The following PALS1 variants were observed in gnomAD, a reference collection of about 807,000 sequenced individuals.
PALS1 encodes protein PALS1.
In PALS1, 31 loss-of-function variants were observed where a neutral mutation model predicts 78.9. The ratio of observed to expected loss-of-function variants is 0.39; its 90% CI spans 0.30 to 0.53. The LOEUF (loss-of-function observed/expected upper bound fraction) is 0.53, where lower values mean the gene tolerates loss of function less well. PALS1 is among the 20% of genes least tolerant of loss of function. PALS1 has a pLI of 0.67. For missense variants in PALS1, 704 were observed against 826.5 expected, an observed-to-expected ratio of 0.85 and a Z score of 1.82; for synonymous variants, 276 against 270.9, an observed-to-expected ratio of 1.02 and a Z score of -0.18.
At chr14:67,264,445 G>A (rs761777408) in intron 1 of PALS1, among the ~76,000 whole-genome samples, 2 of 148,312 alleles carry the variant, frequency 1.3e-5, no homozygotes, top group Non-Finnish European at 2.9e-5. Flanking sequence ...AAAATCATTG[G>A]CCAGACCCAT....
intron 8 of PALS1, among the ~76,000 whole-genome samples, chr14:67,306,668 C>G (rs2085009567): frequency 2.6e-5 from 4 of 152,096 alleles, no homozygotes; most frequent in African/African-American, 9.7e-5. Flanking sequence ...ATGCCCAGCC[C>G]CTTCTTTTCT....
At position 67,286,767 on chromosome 14, in the gene PALS1, G is replaced by A. The variant is rs190849959; in HGVS notation, c.368-5744G>A. ...TAGCTACTTGGGAGGCTAGGTGGGA[G>A]GATCGCTGGAACCTGAGAAGTTGAG... On this transcript the variant is annotated intron_variant, in intron 3 of 14. Transcript: ENST00000261681. Among the ~76,000 whole-genome samples, 53 of 150,806 alleles carry A rather than the reference G, an allele frequency of 3.5e-4. No homozygotes were observed. In the Middle Eastern group the frequency reaches 0.014, roughly 39 times the overall value.
At chr14:67,296,110 G>C (rs956480264) in intron 4 of PALS1, among the ~76,000 whole-genome samples, 12 of 152,004 alleles carry the variant, frequency 7.9e-5, no homozygotes, top group African/African-American at 2.9e-4. Context: ...GGAAGGATGA[G>C]GGGAATGGTG....
At chr14:67,329,835 AAAATAAAT>A (rs199845948) in intron 14 of PALS1, among the ~76,000 whole-genome samples, 1,078 of 96,932 alleles carry the variant, frequency 0.011, 8 homozygotes, top group East Asian at 0.042. Context: ...CTTGGTCTCA[AAAATAAAT>A]AAATAAATAA....
chr14:67,266,759 TTTATG>T (rs1179611391), intron 1 of PALS1, among the ~76,000 whole-genome samples: 24 of 152,294 alleles, frequency 1.6e-4, no homozygotes, highest in African/African-American at 5.3e-4. Context: ...AATAGAGTCT[TTTATG>T]TGATGTCAGT....
intron 4 of PALS1, among the ~76,000 whole-genome samples, chr14:67,298,932 G>A (rs1356740345): frequency 6.6e-6 from 1 of 152,122 alleles, no homozygotes; most frequent in Non-Finnish European, 1.5e-5. Flanking sequence ...GACAATAGGT[G>A]GTCTTTTCTG....
At chr14:67,253,138 A>C (rs2084091327) in intron 1 of PALS1, among the ~76,000 whole-genome samples, 1 of 152,254 alleles carries the variant, frequency 6.6e-6, no homozygotes, top group Non-Finnish European at 1.5e-5. Context: ...GTGACAATGA[A>C]CAGGTTAACT....
intron 8 of PALS1, 57 bp from the exon 9 acceptor site, chr14:67,312,470 C>A: frequency 8.1e-7 from 1 of 1,236,942 alleles, no homozygotes; most frequent in South Asian, 2.2e-5. Flanking sequence ...AAATTGTATT[C>A]ATATGAAACA....
intron 8 of PALS1, among the ~76,000 whole-genome samples, chr14:67,305,461 T>C (rs1343208168): frequency 6.6e-6 from 1 of 152,116 alleles, no homozygotes; most frequent in African/African-American, 2.4e-5. Flanking sequence ...TTTGTACTTT[T>C]GGTAGAGATG....
In PALS1 at chr14:67,256,797, G is replaced by GACACAC. The variant is rs10654145; in HGVS notation, c.-236-12882_-236-12877dup. 4.4e-3 allele frequency among the ~76,000 whole-genome samples: 652 copies of GACACAC among 147,782 alleles called. 4 individuals are homozygous for GACACAC. The highest frequency in any genetic ancestry group is 0.013 in the African/African-American group (544 of 40,502). ...AGGACGAAGTGTTCCAGAAACTATT[G>GACACAC]ACACACACACACACACACACACACA... On this transcript the variant is annotated intron_variant, in intron 1 of 14. Transcript: ENST00000261681.
chr14:67,254,033 C>A (rs558538898), intron 1 of PALS1, among the ~76,000 whole-genome samples: 8 of 142,986 alleles, frequency 5.6e-5, no homozygotes, highest in South Asian at 4.7e-4. Flanking sequence ...CATCCCCCCC[C>A]CCTTACAAGT....
chr14:67,263,111 A>C (rs2140517206), intron 1 of PALS1, among the ~76,000 whole-genome samples: 1 of 152,280 alleles, frequency 6.6e-6, no homozygotes, highest in South Asian at 2.1e-4. Flanking sequence ...GTGGTCTTGA[A>C]TATTTCCAAA....
chr14:67,272,112 CA>C (rs2084417806), intron 2 of PALS1: 1 of 151,734 alleles, frequency 6.6e-6, no homozygotes, highest in Admixed American at 6.6e-5. Context: ...AGTATCTAGC[CA>C]GGGGTAAATA....
chr14:67,289,452 T>C (rs1037158800), intron 3 of PALS1, among the ~76,000 whole-genome samples: 1 of 152,148 alleles, frequency 6.6e-6, no homozygotes, highest in African/African-American at 2.4e-5. Flanking sequence ...TATAAGGGAC[T>C]TGAGCATCTG....
At chr14:67,327,266 G>A (rs999425706) in intron 14 of PALS1, among the ~76,000 whole-genome samples, 19 of 151,938 alleles carry the variant, frequency 1.3e-4, no homozygotes, top group African/African-American at 3.9e-4. Context: ...CATTTCTCTT[G>A]GATAAACACC....
At chr14:67,277,563 A>G (rs2084526670) in intron 2 of PALS1, among the ~76,000 whole-genome samples, 1 of 152,124 alleles carries the variant, frequency 6.6e-6, no homozygotes, top group Non-Finnish European at 1.5e-5. Context: ...TCAAGGAGGT[A>G]GTAGGTTTAT....
intron 14 of PALS1, among the ~76,000 whole-genome samples, chr14:67,324,985 A>T (rs1385052277): frequency 7.0e-6 from 1 of 143,658 alleles, no homozygotes; most frequent in Non-Finnish European, 1.5e-5. Flanking sequence ...GCTGACTGCA[A>T]GCTCCGCCTC....
chr14:67,309,168 T>C (rs777214583), intron 8 of PALS1, among the ~76,000 whole-genome samples: 1 of 152,190 alleles, frequency 6.6e-6, no homozygotes, highest in African/African-American at 2.4e-5. Context: ...CCCTGGACCT[T>C]TCCTATGAGG....
rs138794016 is a variant in PALS1, at chr14:67,326,896, C to T, written c.1851+3084C>T. 8.7e-3 allele frequency among the ~76,000 whole-genome samples: 1,329 copies of T among 152,332 alleles called. 22 individuals carry two copies. Among genetic ancestry groups the T allele is most frequent in the African/African-American group, 0.03 (1,251 of 41,562 alleles). Reference sequence around the variant, plus strand: ...AATATTTGGATAAAATTTTGAGGGCCGGGCACAGTGGCTCACGCCTGTAAT... The same window carrying T: ...AATATTTGGATAAAATTTTGAGGGCTGGGCACAGTGGCTCACGCCTGTAAT... On this transcript the variant is annotated intron_variant, in intron 14 of 14. Transcript: ENST00000261681.
Sources: allele counts gnomAD v4.1 joint callset (sites outside exome capture counted in the v4.1 genomes callset), GRCh38; gene constraint gnomAD v4.1.1; transcripts MANE v1.5; gene names NCBI Gene and HGNC (gene_info 2026-07-23, HGNC 2026-07-21).